Variants in ARHGAP21 observed in about 807,000 individuals in gnomAD.
The protein encoded by ARHGAP21 is rho GTPase-activating protein 21.
Under a neutral mutation model 164.6 loss-of-function variants are expected in ARHGAP21, and 38 were observed. The ratio of observed to expected loss-of-function variants is 0.23; its 90% confidence interval spans 0.18 to 0.30. ARHGAP21 has a LOEUF of 0.30. ARHGAP21 is among the 10% of genes least tolerant of loss of function. The pLI is 1.00. For missense variants in ARHGAP21, 1,822 were observed against 2,370.7 expected (o/e 0.77, Z 4.81); for synonymous variants, 766 against 857.9 (o/e 0.89, Z 1.87).
chr10:24,606,061 C>G (rs148501667), intron 11 of ARHGAP21, among the ~76,000 whole-genome samples: 8 of 152,026 alleles, frequency 5.3e-5, no homozygotes, highest in African/African-American at 1.9e-4. Context: ...GTAAAGTTGT[C>G]TCTTTATCTA....
At chr10:24,588,229 T>C (rs1205745233) in intron 25 of ARHGAP21, among the ~76,000 whole-genome samples, 1 of 152,170 alleles carries the variant, frequency 6.6e-6, no homozygotes, top group Non-Finnish European at 1.5e-5. Context: ...ACTGTAATTA[T>C]ATAGGAGAAT....
intron 3 of ARHGAP21, among the ~76,000 whole-genome samples, chr10:24,669,465 C>T (rs376150731): frequency 7.2e-5 from 11 of 152,098 alleles, no homozygotes; most frequent in African/African-American, 2.7e-4. Context: ...TCATCATTTC[C>T]ATTATACTAT....
chr10:24,722,937 C>A (rs531903423), intron 1 of ARHGAP21, among the ~76,000 whole-genome samples: 1 of 152,090 alleles, frequency 6.6e-6, no homozygotes, highest in African/African-American at 2.4e-5. Flanking sequence ...TCTGAAGTCG[C>A]GGCTTTTCCC....
rs771713358 is a variant in ARHGAP21, at chr10:24,619,507, C to G, written c.2388G>C (p.Pro796=). ...GGATGGAAGCCAAAGAATCGCCAGG[C>G]GGACTGGTACTCGAGGCTTTTCTTT... ...MEERKASSTS[P]PGDSLASIPF... The change falls in exon 9 of 26, where the codon CCG becomes CCC. Residue 796 remains proline (P), a synonymous_variant. Coordinates refer to ENST00000396432, the MANE Select transcript of ARHGAP21 (RefSeq NM_020824.4). 1.9e-6 allele frequency: 3 copies of G among 1,613,972 alleles called. No individual in the cohort carries two copies. The highest frequency in any genetic ancestry group is 8.5e-7 in the Non-Finnish European group (1 of 1,179,994).
At chr10:24,629,951 A>T in intron 7 of ARHGAP21, 45 bp downstream of exon 7, 1 of 1,330,736 alleles carries the variant, frequency 7.5e-7, no homozygotes. Context: ...TTTTCCGAAC[A>T]TTCATGACTG....
chr10:24,616,664 T>G (rs1833978790), intron 9 of ARHGAP21, among the ~76,000 whole-genome samples: 1 of 152,106 alleles, frequency 6.6e-6, no homozygotes, highest in Non-Finnish European at 1.5e-5. Flanking sequence ...AAACCCTGAG[T>G]GTAGGTAACA....
intron 18 of ARHGAP21, 45 bp downstream of exon 18, chr10:24,595,843 A>C (rs781242673): frequency 6.3e-7 from 1 of 1,594,152 alleles, no homozygotes; most frequent in Middle Eastern, 1.7e-4. Flanking sequence ...CAGTTCCACC[A>C]AAGGGGGAAA....
chr10:24,643,370 T>C (rs1272747667), intron 4 of ARHGAP21, among the ~76,000 whole-genome samples: 2 of 152,182 alleles, frequency 1.3e-5, no homozygotes, highest in African/African-American at 2.4e-5. Flanking sequence ...CTCAGAAAAA[T>C]TTGTTATGGT....
At chr10:24,702,986 C>T (rs950657470) in intron 2 of ARHGAP21, among the ~76,000 whole-genome samples, 1 of 152,112 alleles carries the variant, frequency 6.6e-6, no homozygotes, top group Non-Finnish European at 1.5e-5. Flanking sequence ...TATATACACA[C>T]ACACATAATA....
intron 4 of ARHGAP21, among the ~76,000 whole-genome samples, chr10:24,636,012 G>A (rs1434426978): frequency 2.0e-5 from 3 of 152,208 alleles, no homozygotes; most frequent in Admixed American, 1.3e-4. Flanking sequence ...TCATGGCAAT[G>A]AGGAGAGCAT....
chr10:24,664,965 A>G (rs954201433), intron 4 of ARHGAP21, among the ~76,000 whole-genome samples: 1 of 152,188 alleles, frequency 6.6e-6, no homozygotes, highest in African/African-American at 2.4e-5. Flanking sequence ...ATGAAGTTTT[A>G]TAACAATGTC....
rs1416053079 is a variant in ARHGAP21 at position 24,635,046 on chromosome 10, T to A, written c.326A>T (p.Glu109Val). ...TCCAGCTTCAAAAGCAGGTCCTCCT[T>A]CTTTAACTTGCTTAACAAATATGGT... ...MDTIFVKQVKEGGPAFEAGLC... is the reference protein window; with the variant it reads ...MDTIFVKQVKVGGPAFEAGLC... The change falls in exon 5 of 26, where the codon GAA (glutamate) becomes GTA (valine). Residue 109 changes from glutamate (E) to valine (V), a missense_variant. Around this residue, in one of 5 missense-constraint regions of ARHGAP21, gnomAD observed 1,090 missense variants for 1,378.9 expected, o/e 0.79. Coordinates refer to ENST00000396432, the MANE Select transcript of ARHGAP21 (RefSeq NM_020824.4). 6.2e-7 allele frequency: 1 copy of A among 1,602,368 alleles called. No homozygotes were observed. Among genetic ancestry groups the A allele is most frequent in the African/African-American group, 1.3e-5 (1 of 74,446 alleles).
chr10:24,715,919 G>A (rs1465320862), intron 2 of ARHGAP21, among the ~76,000 whole-genome samples: 1 of 152,202 alleles, frequency 6.6e-6, no homozygotes, highest in Non-Finnish European at 1.5e-5. Flanking sequence ...TGAGGCAGGA[G>A]AATCACTTGA....
rs10530408 is a variant in ARHGAP21 at position 24,622,433 on chromosome 10, C to CAT, written c.525+298_525+299dup. On this transcript the variant is annotated intron_variant, in intron 8 of 25. Coordinates refer to ENST00000396432, the MANE Select transcript of ARHGAP21 (RefSeq NM_020824.4). ...GGAAGAGGGTGAGATACTTAAAAAACATATATATATATATATATATATATA... is the reference window on the plus strand; with the variant it reads ...GGAAGAGGGTGAGATACTTAAAAAACATATATATATATATATATATATATATA... Among the ~76,000 whole-genome samples the CAT allele has an allele frequency of 8.3e-3, 739 of 89,264 alleles. 15 individuals carry two copies. Among genetic ancestry groups the CAT allele is most frequent in the Non-Finnish European group, 0.013 (562 of 44,554 alleles). The allele number at this position is 89,264 out of a possible 152,430, so 58.6% of individuals were successfully genotyped here. A position where few individuals can be genotyped will look rare whatever the true frequency, so the allele number is the denominator to read the frequency against.
At chr10:24,718,730 T>A (rs1593397380) in intron 2 of ARHGAP21, among the ~76,000 whole-genome samples, 1 of 152,200 alleles carries the variant, frequency 6.6e-6, no homozygotes, top group South Asian at 2.1e-4. Context: ...GTGTATTTCA[T>A]CAGCCATAAT....
intron 4 of ARHGAP21, among the ~76,000 whole-genome samples, chr10:24,654,022 A>G (rs1463249481): frequency 1.3e-5 from 2 of 152,236 alleles, no homozygotes; most frequent in African/African-American, 4.8e-5. Flanking sequence ...AACCAAAGAC[A>G]AAAACCACGA....
chr10:24,674,588 A>G (rs1841032167), intron 2 of ARHGAP21, among the ~76,000 whole-genome samples: 1 of 152,182 alleles, frequency 6.6e-6, no homozygotes, highest in Non-Finnish European at 1.5e-5. Flanking sequence ...CAGGAGGCTA[A>G]GGCATGAGAA....
intron 4 of ARHGAP21, among the ~76,000 whole-genome samples, chr10:24,638,936 A>G (rs982488296): frequency 6.6e-6 from 1 of 152,210 alleles, no homozygotes; most frequent in African/African-American, 2.4e-5. Flanking sequence ...GAACTTGAAC[A>G]CTACACTTGA....
intron 4 of ARHGAP21, among the ~76,000 whole-genome samples, chr10:24,656,537 C>T (rs1450208989): frequency 2.1e-5 from 2 of 95,064 alleles, no homozygotes; most frequent in African/African-American, 4.5e-5. Flanking sequence ...GCCCCCCGCC[C>T]GGCCAGCCGC....
Sources: gnomAD v4.1 joint callset for allele counts (sites outside exome capture counted in the v4.1 genomes callset) on GRCh38, gnomAD v4.1.1 for gene constraint, gnomAD v4.1.1 regional missense constraint, MANE v1.5 for transcripts, NCBI Gene and HGNC (gene_info 2026-07-23, HGNC 2026-07-21) for gene names.